PACRG: variants seen among roughly 807,000 people sequenced by gnomAD.
PACRG encodes the protein parkin coregulated.
PACRG carries 29 observed loss-of-function variants against 29.7 expected under a neutral mutation model. That is an observed-to-expected ratio of 0.98 (90% CI 0.73 to 1.33). The LOEUF (loss-of-function observed/expected upper bound fraction) is 1.33. Among genes scored for constraint, PACRG ranks in the 40% most tolerant of loss-of-function variants. The pLI, the probability that PACRG is intolerant of heterozygous loss-of-function variation, is 0.00. For missense variants in PACRG, 279 were observed against 316.2 expected, an observed-to-expected ratio of 0.88 and a Z score of 0.89; for synonymous variants, 116 against 118.7, an observed-to-expected ratio of 0.98 and a Z score of 0.15.
chr6:163,051,186 T>A lies in PACRG; in HGVS notation c.292-10964T>A, dbSNP rs905907161. 2.0e-5 allele frequency: 3 copies of A among 152,234 alleles called. No homozygotes were observed. The East Asian group carries it at 5.8e-4, about 29-fold the overall frequency. The allele number at this position is 152,234 out of a possible 1,614,324, so 9.4% of individuals were successfully genotyped here. A position where few individuals can be genotyped will look rare whatever the true frequency, so the allele number is the denominator to read the frequency against. On this transcript the variant is annotated intron_variant, in intron 2 of 4. Coordinates refer to ENST00000366888, the MANE Select transcript of PACRG (RefSeq NM_001080379.2). ...TTTTCTAAAAGTTATATTTTTTAAG[T>A]GAAATATTTTTCCATGTTAAGTATT... is the stretch of plus-strand genomic sequence containing the variant.
At chr6:163,181,756 T>C (rs1469837331) in intron 4 of PACRG, among the ~76,000 whole-genome samples, 2 of 152,118 alleles carry the variant, frequency 1.3e-5, no homozygotes, top group Non-Finnish European at 2.9e-5. Context: ...ACTTAGTTAC[T>C]ATAAATGTGT....
intron 1 of PACRG, among the ~76,000 whole-genome samples, chr6:162,797,482 A>G (rs913947807): frequency 2.0e-5 from 3 of 152,228 alleles, no homozygotes; most frequent in Non-Finnish European, 4.4e-5. Context: ...ATAGTTTTAA[A>G]TAACTACACA....
At chr6:163,169,112 G>A (rs1397169037) in intron 4 of PACRG, among the ~76,000 whole-genome samples, 4 of 152,164 alleles carry the variant, frequency 2.6e-5, no homozygotes, top group Non-Finnish European at 5.9e-5. Context: ...CTTCTTTTGA[G>A]CAAATATCAT....
chr6:163,242,687 G>GT (rs79186479), intron 4 of PACRG, among the ~76,000 whole-genome samples: 12,262 of 152,192 alleles, frequency 0.081, 992 homozygotes, highest in East Asian at 0.21. Flanking sequence ...AGCTAATAAA[G>GT]TAACTAGAAA....
chr6:162,898,202 A>T (rs532346169), intron 2 of PACRG, among the ~76,000 whole-genome samples: 1 of 152,258 alleles, frequency 6.6e-6, no homozygotes, highest in East Asian at 1.9e-4. Flanking sequence ...CACAGTGTGG[A>T]GCTGCTCACA....
intron 4 of PACRG, among the ~76,000 whole-genome samples, chr6:163,271,061 C>T (rs965920485): frequency 1.2e-4 from 19 of 152,160 alleles, no homozygotes; most frequent in East Asian, 1.2e-3. Context: ...GTAGGGAAGC[C>T]AACAGTGCAG....
At chr6:162,895,948 C>A (rs1795133128) in intron 2 of PACRG, among the ~76,000 whole-genome samples, 1 of 152,156 alleles carries the variant, frequency 6.6e-6, no homozygotes, top group African/African-American at 2.4e-5. Context: ...TTCAGCCAGG[C>A]TTTTTTCTTC....
chr6:163,290,437 A>G (rs947509198), intron 4 of PACRG, among the ~76,000 whole-genome samples: 13 of 152,174 alleles, frequency 8.5e-5, no homozygotes, highest in African/African-American at 3.1e-4. Flanking sequence ...TCTAAAAAGT[A>G]TTGCTGCCCC....
intron 4 of PACRG, among the ~76,000 whole-genome samples, chr6:163,249,458 A>G (rs979454892): frequency 1.3e-5 from 2 of 152,222 alleles, no homozygotes; most frequent in Non-Finnish European, 2.9e-5. Flanking sequence ...TATCACCAGT[A>G]CAAACCTTAA....
chr6:162,831,921 G>T (rs111526386), intron 2 of PACRG, among the ~76,000 whole-genome samples: 49 of 152,206 alleles, frequency 3.2e-4, no homozygotes, highest in African/African-American at 1.0e-3. Flanking sequence ...ATGGGCATTT[G>T]GGTTGATTCC....
At chr6:163,002,679 G>A (rs1199501395) in intron 2 of PACRG, among the ~76,000 whole-genome samples, 1 of 152,190 alleles carries the variant, frequency 6.6e-6, no homozygotes, top group African/African-American at 2.4e-5. Context: ...GTAGTTGGTG[G>A]AAGTTCTGTT....
intron 1 of PACRG, among the ~76,000 whole-genome samples, chr6:162,779,239 C>T (rs970207213): frequency 1.3e-5 from 2 of 152,208 alleles, no homozygotes; most frequent in Non-Finnish European, 2.9e-5. Context: ...GCATAGTATT[C>T]CACGGTGTAT....
intron 4 of PACRG, among the ~76,000 whole-genome samples, chr6:163,161,565 T>C (rs945396843): frequency 6.6e-6 from 1 of 152,246 alleles, no homozygotes; most frequent in African/African-American, 2.4e-5. Context: ...TCATAACTTA[T>C]ATTTTGTACA....
At chr6:162,996,872 T>A (rs1804112727) in intron 2 of PACRG, among the ~76,000 whole-genome samples, 1 of 152,162 alleles carries the variant, frequency 6.6e-6, no homozygotes, top group African/African-American at 2.4e-5. Context: ...AGAAAGAATA[T>A]ATGCTAAGTA....
rs886088881 is a variant in PACRG, at chr6:163,285,366, C to T, written c.614-29461C>T. Among the ~76,000 whole-genome samples the T allele has an allele frequency of 1.1e-4, 17 of 152,162 alleles. No individual in the cohort carries two copies. The East Asian group carries it at 1.4e-3, about 12-fold the overall frequency. On this transcript the variant is annotated intron_variant, in intron 4 of 4. Transcript: ENST00000366888. ...CCCCACTCGGGCAGCACCCCCACCC[C>T]GCCAGCCCCAGTCCAGGCTAGATCT...
intron 4 of PACRG, among the ~76,000 whole-genome samples, chr6:163,275,895 C>T (rs116077768): frequency 0.011 from 1,700 of 152,236 alleles, 34 homozygotes; most frequent in African/African-American, 0.039. Flanking sequence ...TCCTCAAGTC[C>T]TTTCCTGCCA....
intron 4 of PACRG, among the ~76,000 whole-genome samples, chr6:163,091,909 T>A (rs1814140946): frequency 6.6e-6 from 1 of 152,234 alleles, no homozygotes; most frequent in South Asian, 2.1e-4. Flanking sequence ...CAATTAAAAT[T>A]ACATTAGAAA....
chr6:162,848,958 G>A (rs144855742), intron 2 of PACRG, among the ~76,000 whole-genome samples: 10 of 152,294 alleles, frequency 6.6e-5, no homozygotes, highest in Admixed American at 5.2e-4. Flanking sequence ...AAAGGAGAGA[G>A]CAACTTTAGG....
chr6:162,824,988 A>G (rs899374741), intron 2 of PACRG, among the ~76,000 whole-genome samples: 1 of 152,216 alleles, frequency 6.6e-6, no homozygotes, highest in Non-Finnish European at 1.5e-5. Context: ...GAGTCTCTAT[A>G]AAACTTTTGC....
Sources: gnomAD v4.1 joint callset for allele counts (sites outside exome capture counted in the v4.1 genomes callset) on GRCh38, gnomAD v4.1.1 for gene constraint, MANE v1.5 for transcripts, NCBI Gene and HGNC (gene_info 2026-07-23, HGNC 2026-07-21) for gene names.